CSMD1: variants seen among roughly 807,000 people sequenced by gnomAD.
CSMD1 encodes CUB and Sushi multiple domains 1.
A neutral mutation model predicts 417.5 loss-of-function variants in CSMD1; 213 were observed. The ratio of observed to expected loss-of-function variants is 0.51; its 90% CI spans 0.46 to 0.57. The LOEUF (loss-of-function observed/expected upper bound fraction) is 0.57, where lower values mean the gene tolerates loss of function less well. Among genes scored for constraint, CSMD1 ranks in the 20% least tolerant of loss-of-function variants. The probability of loss-of-function intolerance (pLI) is 0.00; values close to 1 mark genes in which losing one functional copy is unlikely to be tolerated. For missense variants in CSMD1, 6,923 were observed against 4,529.7 expected (o/e 1.53, Z -15.17); for synonymous variants, 2,862 against 1,736.8 (o/e 1.65, Z -16.11).
At chr8:4,440,576 G>A (rs900976457) in intron 2 of CSMD1, among the ~76,000 whole-genome samples, 2 of 152,164 alleles carry the variant, frequency 1.3e-5, no homozygotes, top group African/African-American at 4.8e-5. Context: ...TTTCAAAGAT[G>A]CAAAACCAAC....
At chr8:4,382,875 G>A (rs1223753624) in intron 3 of CSMD1, among the ~76,000 whole-genome samples, 1 of 152,186 alleles carries the variant, frequency 6.6e-6, no homozygotes, top group Non-Finnish European at 1.5e-5. Flanking sequence ...TCAAGGCGCA[G>A]TAAGATTAAA....
At chr8:3,072,166 G>A (rs184578123) in intron 49 of CSMD1, among the ~76,000 whole-genome samples, 26 of 152,230 alleles carry the variant, frequency 1.7e-4, no homozygotes, top group South Asian at 1.5e-3. Flanking sequence ...CAATTCTTCC[G>A]GAGTCTATGT....
chr8:4,411,121 C>T (rs1478040697), intron 3 of CSMD1, among the ~76,000 whole-genome samples: 2 of 152,124 alleles, frequency 1.3e-5, no homozygotes, highest in African/African-American at 4.8e-5. Context: ...TTCAATCTCC[C>T]AACCTCCATA....
intron 6 of CSMD1, among the ~76,000 whole-genome samples, chr8:3,733,509 C>T (rs1156656397): frequency 2.6e-5 from 4 of 152,002 alleles, no homozygotes; most frequent in African/African-American, 4.8e-5. Context: ...CAACCGCGTT[C>T]TGAAAATATT....
intron 56 of CSMD1, 140 bp downstream of exon 56, chr8:2,974,311 C>T: frequency 2.7e-6 from 2 of 754,654 alleles, no homozygotes; most frequent in South Asian, 5.1e-5. Context: ...GCGTATTTGG[C>T]TAGAAATGCA....
At chr8:3,794,812 C>T (rs1458253364) in intron 5 of CSMD1, among the ~76,000 whole-genome samples, 18 of 151,974 alleles carry the variant, frequency 1.2e-4, no homozygotes, top group Non-Finnish European at 4.4e-5. Flanking sequence ...TGTCAATAAA[C>T]TTTAATTCTG....
intron 46 of CSMD1, among the ~76,000 whole-genome samples, chr8:3,097,285 C>A (rs1228156777): frequency 2.0e-5 from 3 of 152,186 alleles, no homozygotes; most frequent in Admixed American, 6.5e-5. Flanking sequence ...GCATCTCCCA[C>A]ACACCTTAAT....
At chr8:3,435,322 G>C (rs573170873) in intron 12 of CSMD1, among the ~76,000 whole-genome samples, 1 of 152,170 alleles carries the variant, frequency 6.6e-6, no homozygotes, top group Non-Finnish European at 1.5e-5. Context: ...GCATGGGGCA[G>C]AGGGGCTGAA....
rs77567889 is a variant in CSMD1, at chr8:4,065,309, C to A, written c.416-33210G>T. 4.8e-3 allele frequency among the ~76,000 whole-genome samples: 737 copies of A among 152,290 alleles called. 5 individuals are homozygous for A. Among genetic ancestry groups the A allele is most frequent in the African/African-American group, 0.017 (707 of 41,546 alleles). ...CTTCCCCATCCCCCTCAGTAGCACA[C>A]TGAACTTTTACATTTAACCAGAATA... On this transcript the variant is annotated intron_variant, in intron 3 of 69. Coordinates refer to ENST00000635120, the MANE Select transcript of CSMD1 (RefSeq NM_033225.6).
At chr8:4,035,896 T>A (rs1273131519) in intron 3 of CSMD1, among the ~76,000 whole-genome samples, 1 of 152,048 alleles carries the variant, frequency 6.6e-6, no homozygotes, top group Non-Finnish European at 1.5e-5. Flanking sequence ...CAGTCACCCC[T>A]CACTCACACA....
chr8:4,569,491 C>G (rs1008718003), intron 2 of CSMD1, among the ~76,000 whole-genome samples: 2 of 152,076 alleles, frequency 1.3e-5, no homozygotes, highest in Non-Finnish European at 2.9e-5. Flanking sequence ...CTGTTCTGTT[C>G]CATTGGTCTC....
chr8:3,795,092 T>C (rs75654545), intron 5 of CSMD1, among the ~76,000 whole-genome samples: 24,917 of 83,442 alleles, frequency 0.3, 5,745 homozygotes, highest in East Asian at 0.56. Context: ...GCTATAGATA[T>C]ATATCTATCA....
intron 2 of CSMD1, among the ~76,000 whole-genome samples, chr8:4,443,196 T>C (rs896295938): frequency 6.6e-6 from 1 of 152,224 alleles, no homozygotes; most frequent in African/African-American, 2.4e-5. Context: ...TTACTGAGTA[T>C]ACAAGAGGTG....
intron 3 of CSMD1, among the ~76,000 whole-genome samples, chr8:4,176,261 A>C (rs1196136677): frequency 6.6e-6 from 1 of 152,114 alleles, no homozygotes; most frequent in Non-Finnish European, 1.5e-5. Flanking sequence ...TTGGTAGATT[A>C]GACTGCAAAA....
chr8:2,954,749 C>T (rs865303), intron 64 of CSMD1, among the ~76,000 whole-genome samples: 2 of 152,112 alleles, frequency 1.3e-5, no homozygotes, highest in Non-Finnish European at 2.9e-5. Flanking sequence ...GTTAGATTTA[C>T]GTCATAATTT....
intron 49 of CSMD1, among the ~76,000 whole-genome samples, chr8:3,079,997 A>G (rs1313724064): frequency 6.6e-6 from 1 of 152,220 alleles, no homozygotes; most frequent in Non-Finnish European, 1.5e-5. Context: ...TGACTTTAAA[A>G]ACAGAAGCTT....
chr8:3,180,689 G>A (rs1032529212), intron 37 of CSMD1, among the ~76,000 whole-genome samples: 1 of 152,132 alleles, frequency 6.6e-6, no homozygotes, highest in African/African-American at 2.4e-5. Flanking sequence ...GGGCTGGTGT[G>A]CAGTGGTGCA....
intron 10 of CSMD1, among the ~76,000 whole-genome samples, chr8:3,549,187 T>C (rs1412358983): frequency 6.6e-6 from 1 of 152,232 alleles, no homozygotes; most frequent in Non-Finnish European, 1.5e-5. Flanking sequence ...ACATCCAGTC[T>C]GTGCCTGTTT....
chr8:4,423,532 G>T (rs773690546), intron 2 of CSMD1, among the ~76,000 whole-genome samples: 1 of 151,994 alleles, frequency 6.6e-6, no homozygotes, highest in Non-Finnish European at 1.5e-5. Flanking sequence ...ACACAACACT[G>T]AAGAAAAAGT....
Sources: allele counts gnomAD v4.1 joint callset (sites outside exome capture counted in the v4.1 genomes callset), GRCh38; gene constraint gnomAD v4.1.1; transcripts MANE v1.5; gene names NCBI Gene and HGNC (gene_info 2026-07-23, HGNC 2026-07-21).